The following AKAP6 variants were observed in gnomAD, a reference collection of about 807,000 sequenced individuals.
AKAP6 encodes A-kinase anchoring protein 6.
A neutral mutation model predicts 188.5 loss-of-function variants in AKAP6; 58 were observed. The ratio of observed to expected loss-of-function variants is 0.31; its 90% CI spans 0.25 to 0.38. The LOEUF (loss-of-function observed/expected upper bound fraction) is 0.38. Ranked by LOEUF, AKAP6 falls within the 10% of genes least tolerant of loss-of-function variation. AKAP6 has a pLI of 1.00. For missense variants in AKAP6, 2,710 were observed against 2,740.0 expected, an observed-to-expected ratio of 0.99 and a Z score of 0.24; for synonymous variants, 989 against 998.6, an observed-to-expected ratio of 0.99 and a Z score of 0.18.
chr14:32,413,913 A>T (rs1294340282), intron 1 of AKAP6, among the ~76,000 whole-genome samples: 1 of 151,410 alleles, frequency 6.6e-6, no homozygotes, highest in Admixed American at 6.6e-5. Context: ...CCAGTGTCAG[A>T]AGGTAGTCAG....
At chr14:32,503,368 C>G (rs982860149) in intron 2 of AKAP6, among the ~76,000 whole-genome samples, 1 of 151,906 alleles carries the variant, frequency 6.6e-6, no homozygotes, top group Non-Finnish European at 1.5e-5. Context: ...ACCAGTTTTT[C>G]ATTTGTCTTT....
At chr14:32,797,639 G>A (rs1443256700) in intron 12 of AKAP6, among the ~76,000 whole-genome samples, 1 of 150,388 alleles carries the variant, frequency 6.6e-6, no homozygotes, top group African/African-American at 2.5e-5. Flanking sequence ...TGAGAGGAGA[G>A]GGAGAGCATC....
chr14:32,711,739 G>C (rs1397197726), intron 9 of AKAP6, among the ~76,000 whole-genome samples: 1 of 151,948 alleles, frequency 6.6e-6, no homozygotes. Flanking sequence ...CCCCCTTTGA[G>C]CTTTCTTTGA....
intron 6 of AKAP6, among the ~76,000 whole-genome samples, chr14:32,600,256 A>G (rs1885869378): frequency 6.6e-6 from 1 of 152,140 alleles, no homozygotes; most frequent in Non-Finnish European, 1.5e-5. Context: ...TTCCATAGAC[A>G]ATTTTTATCA....
At chr14:32,451,712 A>G (rs1890939075) in intron 2 of AKAP6, among the ~76,000 whole-genome samples, 1 of 152,184 alleles carries the variant, frequency 6.6e-6, no homozygotes, top group South Asian at 2.1e-4. Context: ...ATTGCCCAAT[A>G]TGGTAGCCAC....
rs1890261946 is a variant in AKAP6, at chr14:32,693,388, T to C, written c.2880-2602T>C. The stretch of plus-strand genomic sequence containing the variant: ...CTTTGTTGTCATGGCAATGCCTCTG[T>C]CAAGTTCACCAGCTGACCTCTCAAG... On this transcript the variant is annotated intron_variant, in intron 8 of 13. Transcript: ENST00000280979. 2.6e-5 allele frequency: 4 copies of C among 152,178 alleles called. No homozygotes were observed. In the South Asian group the frequency reaches 8.3e-4, roughly 32 times the overall value. 9.4% of individuals were successfully genotyped at this position (152,178 alleles called of 1,614,324 possible). A position where few individuals can be genotyped will look rare whatever the true frequency, so the allele number is the denominator to read the frequency against.
chr14:32,825,236 C>A (rs1211040213), intron 13 of AKAP6, among the ~76,000 whole-genome samples: 1 of 152,152 alleles, frequency 6.6e-6, no homozygotes, highest in Non-Finnish European at 1.5e-5. Flanking sequence ...TGCAGATGAA[C>A]AATGATTAGG....
chr14:32,787,053 T>G (rs1298108301), intron 12 of AKAP6, among the ~76,000 whole-genome samples: 3 of 152,154 alleles, frequency 2.0e-5, no homozygotes, highest in Non-Finnish European at 4.4e-5. Context: ...GGCCCCAGGG[T>G]AAAACACCCA....
At position 32,822,718 on chromosome 14, in the gene AKAP6, C is replaced by A. The variant is rs771190553; in HGVS notation, c.4905C>A (p.Leu1635=). The A allele has an allele frequency of 2.5e-6, 4 of 1,613,808 alleles. No homozygotes were observed. The African/African-American group carries it at 5.3e-5, about 22-fold the overall frequency. Residue 1635 remains leucine (L), a synonymous_variant, in exon 13 of 14, where the codon CTC becomes CTA. Coordinates refer to ENST00000280979, the MANE Select transcript of AKAP6 (RefSeq NM_004274.5). ...VGELSKRTLD[L]LNRLENIQSP... ...AACTAAGTAAAAGAACATTAGATCTCCTGAATCGTTTGGAGAATATCCAGA... is the reference window on the plus strand; with the variant it reads ...AACTAAGTAAAAGAACATTAGATCTACTGAATCGTTTGGAGAATATCCAGA...
intron 9 of AKAP6, among the ~76,000 whole-genome samples, chr14:32,719,962 A>G (rs1466563656): frequency 3.3e-5 from 5 of 152,154 alleles, no homozygotes; most frequent in African/African-American, 4.8e-5. Context: ...AAATAAATCT[A>G]TATTTGAAAT....
At chr14:32,551,301 G>A (rs887529041) in intron 4 of AKAP6, among the ~76,000 whole-genome samples, 6 of 152,108 alleles carry the variant, frequency 3.9e-5, no homozygotes, top group Non-Finnish European at 8.8e-5. Flanking sequence ...GCTGGGCGCC[G>A]TGGCTCATGC....
chr14:32,470,817 C>G (rs952477062), intron 2 of AKAP6, among the ~76,000 whole-genome samples: 1 of 152,120 alleles, frequency 6.6e-6, no homozygotes, highest in African/African-American at 2.4e-5. Flanking sequence ...CCATCTCTTT[C>G]TTCTATTTAA....
At chr14:32,708,433 AAG>A (rs1233789243) in intron 9 of AKAP6, among the ~76,000 whole-genome samples, 2 of 151,690 alleles carry the variant, frequency 1.3e-5, no homozygotes, top group Admixed American at 1.3e-4. Context: ...AAGAGAGAGA[AAG>A]AGAGAGAGTA....
chr14:32,608,079 G>A (rs750826027), intron 7 of AKAP6, among the ~76,000 whole-genome samples: 3 of 152,192 alleles, frequency 2.0e-5, no homozygotes, highest in Non-Finnish European at 1.5e-5. Context: ...ATTATAAGAT[G>A]TATGGGTGGA....
chr14:32,454,081 C>T lies in AKAP6; in HGVS notation c.324+20264C>T, dbSNP rs547317208. On this transcript the variant is annotated intron_variant, in intron 2 of 13. Coordinates refer to ENST00000280979, the MANE Select transcript of AKAP6 (RefSeq NM_004274.5). ...ATGAAGAAACCATGAGTACGGATGG[C>T]CTCAAGTTATGCAGGAGATTTCAGT... 4.6e-5 allele frequency among the ~76,000 whole-genome samples: 7 copies of T among 152,172 alleles called. No individual in the cohort carries two copies. The East Asian group carries it at 1.2e-3, about 25-fold the overall frequency.
chr14:32,813,297 AC>A (rs1213443510), intron 12 of AKAP6, among the ~76,000 whole-genome samples: 1 of 151,718 alleles, frequency 6.6e-6, no homozygotes, highest in Non-Finnish European at 1.5e-5. Context: ...CAGGTACCTT[AC>A]CCACCTAGCA....
At chr14:32,531,282 G>T (rs1882402820) in intron 2 of AKAP6, among the ~76,000 whole-genome samples, 1 of 152,096 alleles carries the variant, frequency 6.6e-6, no homozygotes, top group South Asian at 2.1e-4. Flanking sequence ...TTTGAGATGG[G>T]CTTCTGATTA....
chr14:32,746,895 C>G (rs1448242473), intron 11 of AKAP6, among the ~76,000 whole-genome samples: 2 of 152,116 alleles, frequency 1.3e-5, no homozygotes, highest in Non-Finnish European at 2.9e-5. Context: ...AGGGAGTCAA[C>G]ATTTTAAGTC....
chr14:32,640,579 A>T (rs1403271059), intron 7 of AKAP6, among the ~76,000 whole-genome samples: 1 of 152,180 alleles, frequency 6.6e-6, no homozygotes, highest in African/African-American at 2.4e-5. Flanking sequence ...GTTGTAATCA[A>T]TTCTTAAAAT....
Sources: gnomAD v4.1 joint callset for allele counts (sites outside exome capture counted in the v4.1 genomes callset) on GRCh38, gnomAD v4.1.1 for gene constraint, MANE v1.5 for transcripts, NCBI Gene and HGNC (gene_info 2026-07-23, HGNC 2026-07-21) for gene names.